NUP98: variants seen among roughly 807,000 people sequenced by gnomAD.
The protein encoded by NUP98 is nucleoporin 98 and 96 precursor.
In NUP98, 26 loss-of-function variants were observed where a neutral mutation model predicts 191.9. The ratio of observed to expected loss-of-function variants is 0.14; its 90% CI spans 0.10 to 0.19. The LOEUF is 0.19. NUP98 is among the 10% of genes least tolerant of loss of function. The pLI, the probability that NUP98 is intolerant of heterozygous loss-of-function variation, is 1.00. For synonymous variants in NUP98, 808 were observed against 778.4 expected (o/e 1.04, Z -0.63); for missense variants, 1,941 against 2,178.8 (o/e 0.89, Z 2.17).
At chr11:3,724,562 C>T (rs557734668) in intron 15 of NUP98, among the ~76,000 whole-genome samples, 5 of 151,846 alleles carry the variant, frequency 3.3e-5, no homozygotes, top group South Asian at 4.2e-4. Flanking sequence ...GAGGCCAAGG[C>T]GGGCAGATCA....
intron 16 of NUP98, chr11:3,721,088 T>C (rs1440012946): frequency 4.6e-6 from 1 of 217,914 alleles, no homozygotes; most frequent in African/African-American, 2.3e-5. Context: ...AAATAGCCTA[T>C]TAAACTCTGC....
intron 10 of NUP98, among the ~76,000 whole-genome samples, chr11:3,758,876 C>T (rs2081068276): frequency 6.6e-6 from 1 of 152,130 alleles, no homozygotes; most frequent in African/African-American, 2.4e-5. Flanking sequence ...ACGGTTGTTT[C>T]AAACAGAGTT....
At chr11:3,679,333 A>G in intron 31 of NUP98, 2 of 648,214 alleles carry the variant, frequency 3.1e-6, no homozygotes, top group South Asian at 3.1e-5. Flanking sequence ...AGGAATGTCT[A>G]TTGCACATAC....
chr11:3,765,801 C>CA (rs368424606), intron 8 of NUP98, among the ~76,000 whole-genome samples: 39,008 of 114,700 alleles, frequency 0.34, 6,646 homozygotes, highest in African/African-American at 0.5. Flanking sequence ...GACTCTGTCT[C>CA]AAAAAAAAAA....
In NUP98 at chr11:3,760,550, CCACTGGTTGTACCAAATGAAGGTG is replaced by C; in HGVS notation, c.1139_1162del (p.Ala380_Ser387del). The C allele has an allele frequency of 6.2e-7, 1 of 1,613,998 alleles. No individual in the cohort carries two copies. Among genetic ancestry groups the C allele is most frequent in the Non-Finnish European group, 8.5e-7 (1 of 1,179,908 alleles). ...GGTTGGTTTGTTACCAAAGAGCCCG[CCACTGGTTGTACCAAATGAAGGTG>C]CACTGGTTGTGCTGCTTCCAAATGT... On this transcript the variant is annotated inframe_deletion, in exon 10 of 33. Transcript: ENST00000324932.
chr11:3,712,672 A>G lies in NUP98; in HGVS notation c.2634T>C (p.His878=). 6.2e-7 allele frequency: 1 copy of G among 1,613,432 alleles called. No individual in the cohort carries two copies. The highest frequency in any genetic ancestry group is 2.2e-5 in the East Asian group (1 of 44,888). The change falls in exon 20 of 33, where the codon CAT becomes CAC. Residue 878 remains histidine (H), a synonymous_variant. Coordinates refer to ENST00000324932, the MANE Select transcript of NUP98 (RefSeq NM_016320.5). ...ACTTCTTTGTACTAGTTTTAGACGGATGCTCCTCCTCCTCTTCATCAGAAT... is the reference window on the plus strand; with the variant it reads ...ACTTCTTTGTACTAGTTTTAGACGGGTGCTCCTCCTCCTCTTCATCAGAAT... ...LQDSDEEEEE[H]PSKTSTKKLK...
intron 1 of NUP98, among the ~76,000 whole-genome samples, chr11:3,791,259 A>G (rs2082336868): frequency 2.0e-5 from 3 of 151,820 alleles, no homozygotes; most frequent in Admixed American, 2.0e-4. Flanking sequence ...CTGGCTGGGC[A>G]TGGTGGCTCA....
In NUP98 at chr11:3,723,347, T is replaced by A; in HGVS notation, c.1956A>T (p.Gln652His). The A allele has an allele frequency of 8.7e-6, 14 of 1,614,120 alleles. No homozygotes were observed. Among genetic ancestry groups the A allele is most frequent in the Middle Eastern group, 1.6e-4 (1 of 6,062 alleles). The change falls in exon 16 of 33, where the codon CAA becomes CAT. Residue 652 changes from glutamine (Q) to histidine (H), a missense_variant. Physicochemically the swap from Gln to His is conservative, Grantham distance 24 (BLOSUM62 0). This residue lies in a region of NUP98 where 453 missense variants were observed against 438.2 expected (regional missense o/e 1.03). Transcript: ENST00000324932. Reference sequence around the variant, plus strand: ...GTTTATTTCCAGCACTTTCTGGGGTTTGAGGAATAGGTTTGGCAATAGGGT... The same window carrying A: ...GTTTATTTCCAGCACTTTCTGGGGTATGAGGAATAGGTTTGGCAATAGGGT... ...YTNPIAKPIP[Q>H]TPESAGNKHS... is the part of the protein sequence containing the mutation.
intron 19 of NUP98, 116 bp downstream of exon 19, chr11:3,713,702 G>C: frequency 2.0e-6 from 2 of 1,004,880 alleles, no homozygotes; most frequent in Non-Finnish European, 2.9e-6. Context: ...CTGAGCAACA[G>C]AGCAAGAACC....
chr11:3,713,755 C>T (rs969858240), intron 19 of NUP98, 63 bp downstream of exon 19: 12 of 1,485,488 alleles, frequency 8.1e-6, no homozygotes, highest in Non-Finnish European at 7.3e-6. Flanking sequence ...TCCCTTCCAA[C>T]ATAAACGTTA....
chr11:3,768,145 G>A (rs1564905769), intron 8 of NUP98, among the ~76,000 whole-genome samples: 1 of 152,084 alleles, frequency 6.6e-6, no homozygotes, highest in Non-Finnish European at 1.5e-5. Context: ...TTCTTGGCCG[G>A]GCACGGTGGC....
At chr11:3,736,700 T>C (rs2080076292) in intron 12 of NUP98, among the ~76,000 whole-genome samples, 2 of 152,210 alleles carry the variant, frequency 1.3e-5, no homozygotes, top group Admixed American at 1.3e-4. Context: ...AAAATAATAA[T>C]TTGTTTCATT....
At chr11:3,682,812 T>G (rs2078020013) in intron 30 of NUP98, among the ~76,000 whole-genome samples, 1 of 152,228 alleles carries the variant, frequency 6.6e-6, no homozygotes, top group Non-Finnish European at 1.5e-5. Flanking sequence ...AAAAATGTAG[T>G]ACCTGCAAAG....
chr11:3,794,446 G>A (rs544431878), intron 1 of NUP98, among the ~76,000 whole-genome samples: 110 of 152,046 alleles, frequency 7.2e-4, no homozygotes, highest in African/African-American at 2.6e-3. Context: ...TCAGCCTCCC[G>A]AGTAGCTGGG....
chr11:3,716,591 C>G (rs948526317), intron 18 of NUP98, among the ~76,000 whole-genome samples: 1 of 151,964 alleles, frequency 6.6e-6, no homozygotes, highest in African/African-American at 2.4e-5. Flanking sequence ...TCTCTGTGGT[C>G]CCAGCTATTT....
intron 2 of NUP98, chr11:3,781,534 T>G (rs1437040512): frequency 6.6e-6 from 1 of 151,308 alleles, no homozygotes; most frequent in Non-Finnish European, 1.5e-5. Flanking sequence ...CACAAAAATT[T>G]TTAACAAAAA....
intron 16 of NUP98, among the ~76,000 whole-genome samples, chr11:3,722,511 G>C (rs1040988111): frequency 1.8e-4 from 28 of 152,054 alleles, no homozygotes; most frequent in African/African-American, 6.5e-4. Context: ...AAATTTTGGA[G>C]ACACTTCAAG....
At chr11:3,713,730 G>C (rs1590012836) in intron 19 of NUP98, 88 bp downstream of exon 19, 2 of 1,269,278 alleles carry the variant, frequency 1.6e-6, no homozygotes, top group Non-Finnish European at 1.1e-6. Flanking sequence ...TCAATCAATA[G>C]AATTTAGCAA....
chr11:3,727,340 G>A (rs1704347094), intron 14 of NUP98, among the ~76,000 whole-genome samples: 1 of 152,040 alleles, frequency 6.6e-6, no homozygotes, highest in Non-Finnish European at 1.5e-5. Context: ...GTGGGGGGCA[G>A]TGTGTGGAAT....
Sources: gnomAD v4.1 joint callset for allele counts (sites outside exome capture counted in the v4.1 genomes callset) on GRCh38, gnomAD v4.1.1 for gene constraint, gnomAD v4.1.1 regional missense constraint, MANE v1.5 for transcripts, NCBI Gene and HGNC (gene_info 2026-07-23, HGNC 2026-07-21) for gene names.